Variants in SP140 observed in about 807,000 individuals in gnomAD.
SP140 encodes the protein SP140 nuclear body protein.
A neutral mutation model predicts 125.0 loss-of-function variants in SP140; 81 were observed. The observed-to-expected ratio is 0.65, with a 90% CI of 0.54 to 0.78. The LOEUF (loss-of-function observed/expected upper bound fraction) is 0.78. SP140 is among the 30% of genes least tolerant of loss of function. SP140 has a pLI of 0.00. For synonymous variants in SP140, 312 were observed against 354.0 expected, an observed-to-expected ratio of 0.88 and a Z score of 1.33; for missense variants, 858 against 1,037.0, an observed-to-expected ratio of 0.83 and a Z score of 2.37.
At chr2:230,291,468 T>A (rs1470282142) in intron 19 of SP140, among the ~76,000 whole-genome samples, 1 of 152,232 alleles carries the variant, frequency 6.6e-6, no homozygotes, top group Non-Finnish European at 1.5e-5. Context: ...TAATCTATTT[T>A]CTGCTCTATA....
At chr2:230,228,289 A>AT (rs1426391891) in intron 1 of SP140, among the ~76,000 whole-genome samples, 1 of 152,206 alleles carries the variant, frequency 6.6e-6, no homozygotes. Flanking sequence ...TTGTTAAGGT[A>AT]TGTTTTATGG....
Position 230,225,867 on chromosome 2 carries a change from G to A in SP140, c.23G>A (p.Gly8Glu). 6.2e-7 allele frequency: 1 copy of A among 1,614,004 alleles called. No individual in the cohort carries two copies. Among genetic ancestry groups the A allele is most frequent in the Non-Finnish European group, 8.5e-7 (1 of 1,179,888 alleles). ...CTCATGGCCCAGCAGGGCCAGCAGGGGCAGATGGCAAGTGGAGACAGCAAT... is the reference window on the plus strand; with the variant it reads ...CTCATGGCCCAGCAGGGCCAGCAGGAGCAGATGGCAAGTGGAGACAGCAAT... The part of the protein sequence containing the change: MAQQGQQ[G>E]QMASGDSNLN... The change falls in exon 1 of 27, where the codon GGG becomes GAG. Residue 8 changes from glycine to glutamate, a missense_variant. Physicochemically the swap from Gly to Glu is moderately conservative, Grantham distance 98. This residue lies in a region of SP140 where 791 missense variants were observed against 869.5 expected (regional missense o/e 0.91). Coordinates refer to ENST00000392045, the MANE Select transcript of SP140 (RefSeq NM_007237.5).
intron 15 of SP140, among the ~76,000 whole-genome samples, chr2:230,283,164 G>T (rs774975179): frequency 3.3e-5 from 5 of 152,182 alleles, no homozygotes; most frequent in Non-Finnish European, 7.3e-5. Flanking sequence ...AGGCGGGAGC[G>T]CTGGAGTAGT....
chr2:230,200,899 C>T (rs201394862), upstream of SP140: 34 of 1,612,618 alleles, frequency 2.1e-5, no homozygotes, highest in South Asian at 2.3e-4. Context: ...TGTGACCCTT[C>T]GTGGTGTACT....
chr2:230,296,031 G>A (rs2057688506), intron 21 of SP140, among the ~76,000 whole-genome samples: 1 of 151,236 alleles, frequency 6.6e-6, no homozygotes, highest in African/African-American at 2.4e-5. Flanking sequence ...TGGAGCCCAG[G>A]AATTTGAGAC....
At chr2:230,202,508 T>C, upstream of SP140, 1 of 1,465,646 alleles carries the variant, frequency 6.8e-7, no homozygotes, top group African/African-American at 1.4e-5. Context: ...TCTACTTAAC[T>C]CTGTACCTGC....
downstream of SP140, among the ~76,000 whole-genome samples, chr2:230,316,251 A>G (rs4973311): frequency 0.24 from 35,981 of 151,998 alleles, 5,291 homozygotes; most frequent in African/African-American, 0.42. Context: ...ATTCAGAGAT[A>G]TGCCATATAG....
chr2:230,300,672 T>C (rs1223798990), intron 22 of SP140, among the ~76,000 whole-genome samples: 1 of 152,158 alleles, frequency 6.6e-6, no homozygotes, highest in African/African-American at 2.4e-5. Context: ...GTTTCAGATC[T>C]TTCCTCTAAC....
At chr2:230,208,519 G>A (rs962337763) in intron 1 of SP140, among the ~76,000 whole-genome samples, 1 of 152,194 alleles carries the variant, frequency 6.6e-6, no homozygotes, top group Admixed American at 6.5e-5. Context: ...GACAGATGTA[G>A]TTAGGGTTTG....
At chr2:230,238,737 A>T in intron 3 of SP140, 7 of 1,520,934 alleles carry the variant, frequency 4.6e-6, no homozygotes, top group Non-Finnish European at 5.4e-6. Flanking sequence ...ATGTTCAAAG[A>T]TAAAACAATT....
At chr2:230,251,523 T>G (rs1202877832) in intron 10 of SP140, among the ~76,000 whole-genome samples, 1 of 152,210 alleles carries the variant, frequency 6.6e-6, no homozygotes, top group African/African-American at 2.4e-5. Context: ...TGCCTTTATT[T>G]TTCTTCACTA....
At chr2:230,206,428 C>T (rs2043809433) in intron 1 of SP140, among the ~76,000 whole-genome samples, 1 of 151,320 alleles carries the variant, frequency 6.6e-6, no homozygotes, top group Admixed American at 6.6e-5. Context: ...TGGTCTCGTT[C>T]CCTCAGTCTG....
intron 17 of SP140, among the ~76,000 whole-genome samples, chr2:230,287,395 T>C (rs1041456165): frequency 2.0e-5 from 3 of 152,224 alleles, no homozygotes; most frequent in African/African-American, 7.2e-5. Flanking sequence ...GTCATTTATT[T>C]GTGTCTCTGC....
upstream of SP140, among the ~76,000 whole-genome samples, chr2:230,223,735 T>C (rs1047572057): frequency 2.6e-5 from 4 of 152,196 alleles, no homozygotes; most frequent in African/African-American, 9.7e-5. Context: ...AGTTGGCAAA[T>C]TAAATTACAG....
At chr2:230,284,453 T>A in intron 16 of SP140, 42 bp downstream of exon 16, 1 of 1,536,044 alleles carries the variant, frequency 6.5e-7, no homozygotes, top group South Asian at 1.2e-5. Context: ...TTGAGTTTAT[T>A]AGGGCACTGT....
At chr2:230,214,374 G>A (rs1357949969) in intron 3 of SP140, among the ~76,000 whole-genome samples, 1 of 151,984 alleles carries the variant, frequency 6.6e-6, no homozygotes, top group East Asian at 1.9e-4. Context: ...TAAAATCTTG[G>A]GCCCTGGTAT....
chr2:230,280,019 G>T (rs1002071743), intron 15 of SP140, among the ~76,000 whole-genome samples: 1 of 151,854 alleles, frequency 6.6e-6, no homozygotes, highest in African/African-American at 2.4e-5. Context: ...TATTTGTTAG[G>T]CTCTGGCTTC....
chr2:230,308,542 G>A (rs116335852), intron 22 of SP140, among the ~76,000 whole-genome samples: 2,209 of 152,302 alleles, frequency 0.015, 47 homozygotes, highest in African/African-American at 0.05. Context: ...TCGGTAGCCC[G>A]GTGGGGGTGG....
chr2:230,199,148 ATTTTT>A (rs113583785), upstream of SP140, among the ~76,000 whole-genome samples: 1 of 139,114 alleles, frequency 7.2e-6, no homozygotes, highest in African/African-American at 2.8e-5. Flanking sequence ...TATTATTATT[ATTTTT>A]TTTTTTTTTT....
Sources: allele counts gnomAD v4.1 joint callset (sites outside exome capture counted in the v4.1 genomes callset), GRCh38; gene constraint gnomAD v4.1.1; regional missense constraint gnomAD v4.1.1; transcripts MANE v1.5; gene names NCBI Gene and HGNC (gene_info 2026-07-23, HGNC 2026-07-21).